IDUA: variants seen among roughly 807,000 people sequenced by gnomAD.
The protein encoded by IDUA is iduronidase alpha-L-.
In IDUA, 65 loss-of-function variants were observed where a neutral mutation model predicts 68.9. That is an observed-to-expected ratio of 0.94 (90% CI 0.77 to 1.16). The LOEUF is 1.16. Ranked by LOEUF, IDUA falls within the 50% of genes most tolerant of loss-of-function variation. The pLI is 0.00. For synonymous variants in IDUA, 529 were observed against 433.6 expected (o/e 1.22, Z -2.73); for missense variants, 1,046 against 938.0 (o/e 1.12, Z -1.50).
At chr4:991,365 G>A (rs764940131) in intron 2 of IDUA, 9 of 1,612,892 alleles carry the variant, frequency 5.6e-6, no homozygotes, top group Non-Finnish European at 7.6e-6. Context: ...TGCCCATGAG[G>A]AAGTAGATGA....
chr4:997,659 C>A (rs1054295174), intron 2 of IDUA, among the ~76,000 whole-genome samples: 1 of 152,184 alleles, frequency 6.6e-6, no homozygotes, highest in South Asian at 2.1e-4. Context: ...TCTGCGTCTC[C>A]GGCCCTGGGG....
intron 2 of IDUA, chr4:1,000,152 C>T (rs1300639128): frequency 4.4e-6 from 1 of 227,692 alleles, no homozygotes; most frequent in South Asian, 6.0e-5. Context: ...AGCCCATCTG[C>T]AAGTGCAGTG....
In IDUA at chr4:1,001,709, A is replaced by AGGGTCTGC; in HGVS notation, c.622_629dup (p.Ala211ValfsTer26). On this transcript the variant is annotated frameshift_variant, in exon 6 of 14. Transcript: ENST00000514224. LOFTEE classifies it high-confidence loss of function. ...CTGAACTACTACGATGCCTGCTCGG[A>AGGGTCTGC]GGGTCTGCGCGCCGCCAGCCCCGCC... 1 of 1,599,650 alleles carries AGGGTCTGC rather than the reference A, an allele frequency of 6.3e-7. No homozygotes were observed. The highest frequency in any genetic ancestry group is 8.5e-7 in the Non-Finnish European group (1 of 1,178,814).
chr4:990,338 C>T (rs1483597562), intron 2 of IDUA: 1 of 1,603,016 alleles, frequency 6.2e-7, no homozygotes, highest in Non-Finnish European at 8.5e-7. Flanking sequence ...GACACGAAGC[C>T]CAGCCGGAGG....
Position 987,885 on chromosome 4 carries a change from G to T in IDUA, c.235G>T (p.Ala79Ser). ...DQQLNLAYVG[A>S]VPHRGIKQVR... ...GCAGCTCAACCTCGCCTATGTGGGC[G>T]CCGTCCCTCACCGCGGCATCAAGCA... The change falls in exon 2 of 14, where the codon GCC (alanine) becomes TCC (serine). Residue 79 changes from alanine to serine, a missense_variant. Ala to Ser is a moderately conservative substitution (Grantham distance 99). Transcript: ENST00000514224. 6.2e-7 allele frequency: 1 copy of T among 1,611,212 alleles called. No homozygotes were observed. Among genetic ancestry groups the T allele is most frequent in the South Asian group, 1.1e-5 (1 of 90,780 alleles).
chr4:991,178 A>T (rs1207429030), intron 2 of IDUA: 1 of 1,582,184 alleles, frequency 6.3e-7, no homozygotes, highest in Non-Finnish European at 8.6e-7. Flanking sequence ...CGGATGGCGT[A>T]GCAGTCACGC....
chr4:987,080 T>A lies in IDUA; in HGVS notation c.-5T>A. 13 of 1,491,808 alleles carry A rather than the reference T, an allele frequency of 8.7e-6. No individual in the cohort carries two copies. Among genetic ancestry groups the A allele is most frequent in the Non-Finnish European group, 1.2e-5 (13 of 1,128,574 alleles). 92.4% of individuals were successfully genotyped at this position (1,491,808 alleles called of 1,614,324 possible). A position where few individuals can be genotyped will look rare whatever the true frequency, so the allele number is the denominator to read the frequency against. On this transcript the variant is annotated 5_prime_UTR_variant, in exon 1 of 14. Transcript: ENST00000514224. ...AAGCCCCGCAGTCCCCGAGCACGCG[T>A]GGCCATGCGTCCCCTGCGCCCCCGC...
intron 4 of IDUA, 100 bp downstream of exon 4, chr4:1,001,089 T>C: frequency 1.2e-6 from 1 of 828,822 alleles, no homozygotes; most frequent in Middle Eastern, 3.0e-4. Flanking sequence ...GGAGATACAT[T>C]GGTGGGCAGG....
chr4:998,265 T>C (rs756751198), intron 2 of IDUA, among the ~76,000 whole-genome samples: 2 of 152,238 alleles, frequency 1.3e-5, no homozygotes, highest in Non-Finnish European at 2.9e-5. Context: ...GGCTGTAGAC[T>C]CCTGCCAAGG....
chr4:1,002,193 G>A lies in IDUA; in HGVS notation c.972+32G>A, dbSNP rs1209462116. The stretch of plus-strand genomic sequence containing the variant: ...CGGCCCAACGCCCTGCGCGCCCCCC[G>A]GCCACCTTCCTCCCGAGACGGGACA... On this transcript the variant is annotated intron_variant, in intron 7 of 13. Transcript: ENST00000514224. The A allele has an allele frequency of 1.6e-5, 25 of 1,564,442 alleles. No individual in the cohort carries two copies. In the East Asian group the frequency reaches 5.0e-4, roughly 31 times the overall value.
chr4:989,298 G>A (rs912693918), intron 2 of IDUA: 3 of 1,612,466 alleles, frequency 1.9e-6, no homozygotes, highest in Non-Finnish European at 2.5e-6. Flanking sequence ...TGTTGGCATA[G>A]TACAGCGGCC....
In IDUA at chr4:1,001,532, C is replaced by T. The variant is rs1164118339; in HGVS notation, c.558C>T (p.His186=). 2.5e-6 allele frequency: 4 copies of T among 1,613,324 alleles called. No individual in the cohort carries two copies. Among genetic ancestry groups the T allele is most frequent in the East Asian group, 2.2e-5 (1 of 44,880 alleles). The change falls in exon 5 of 14, where the codon CAC becomes CAT. Residue 186 remains histidine (H), a synonymous_variant. Transcript: ENST00000514224. ...AGACGTGGAATGAGCCAGACCACCACGACTTTGACAACGTCTCCATGACCA... is the reference window on the plus strand; with the variant it reads ...AGACGTGGAATGAGCCAGACCACCATGACTTTGACAACGTCTCCATGACCA... ...NFETWNEPDH[H]DFDNVSMTMQ...
chr4:1,003,183 G>A (rs920839395), intron 10 of IDUA, 26 bp downstream of exon 10: 2 of 1,317,774 alleles, frequency 1.5e-6, no homozygotes, highest in African/African-American at 3.2e-5. Flanking sequence ...AGGGGCGAGG[G>A]GCCGGGCCGG....
intron 1 of IDUA, among the ~76,000 whole-genome samples, 158 bp downstream of exon 1, chr4:987,400 C>T (rs186394244): frequency 9.8e-4 from 149 of 152,300 alleles, no homozygotes; most frequent in African/African-American, 3.6e-3. Flanking sequence ...GTGGGTCCTC[C>T]ACCTGAGTGG....
In IDUA at chr4:989,682, GCT is replaced by G; in HGVS notation, c.299+1734_299+1735del. Reference sequence around the variant, plus strand: ...GCAGCACCAGCAGCACCACGGTGGCGCTGACCACGCTGGACAGCTGTGTCCGG... The same window carrying G: ...GCAGCACCAGCAGCACCACGGTGGCGGACCACGCTGGACAGCTGTGTCCGG... On this transcript the variant is annotated intron_variant, in intron 2 of 13. Transcript: ENST00000514224. 3 of 1,565,188 alleles carry G rather than the reference GCT, an allele frequency of 1.9e-6. No individual in the cohort carries two copies. In the South Asian group the frequency reaches 3.5e-5, roughly 18 times the overall value.
rs182998570 is a variant in IDUA, at chr4:996,837, G to C, written c.300-3775G>C. ...GGGGCCTTGCTGGCCAGAGAGAGTG[G>C]GTAGCCCATTCTACCCCGAGCCTGT... is the stretch of plus-strand genomic sequence containing the variant. On this transcript the variant is annotated intron_variant, in intron 2 of 13. Transcript: ENST00000514224. 1.1e-4 allele frequency among the ~76,000 whole-genome samples: 17 copies of C among 152,214 alleles called. 1 individual carries two copies. The highest frequency in any genetic ancestry group is 1.1e-3 in the Admixed American group (17 of 15,304).
intron 2 of IDUA, among the ~76,000 whole-genome samples, chr4:994,772 A>G (rs1454072635): frequency 6.6e-6 from 1 of 151,906 alleles, no homozygotes; most frequent in African/African-American, 2.4e-5. Flanking sequence ...AATTAAAAGT[A>G]AAAAATTAGC....
intron 2 of IDUA, among the ~76,000 whole-genome samples, chr4:996,492 C>T (rs986060357): frequency 3.3e-5 from 5 of 152,342 alleles, no homozygotes; most frequent in African/African-American, 1.2e-4. Flanking sequence ...CCCTTCCCCC[C>T]TCAGGAAAGG....
In IDUA at chr4:987,138, G is replaced by A; in HGVS notation, c.54G>A (p.Leu18=). Residue 18 remains leucine (L), a synonymous_variant, in exon 1 of 14, where the codon CTG becomes CTA. Coordinates refer to ENST00000514224, the MANE Select transcript of IDUA (RefSeq NM_000203.5). ...AALLALLASL[L]AAPPVAPAEA... ...TGCTGGCGCTCCTGGCCTCGCTCCT[G>A]GCCGCGCCCCCGGTGGCCCCGGCCG... 1 of 1,423,364 alleles carries A rather than the reference G, an allele frequency of 7.0e-7. No homozygotes were observed. 88.2% of individuals were successfully genotyped at this position (1,423,364 alleles called of 1,614,324 possible).
Sources: allele counts gnomAD v4.1 joint callset (sites outside exome capture counted in the v4.1 genomes callset), GRCh38; gene constraint gnomAD v4.1.1; transcripts MANE v1.5; gene names NCBI Gene and HGNC (gene_info 2026-07-23, HGNC 2026-07-21).